The following NEB variants were observed in gnomAD, a reference collection of about 807,000 sequenced individuals.
NEB encodes the protein nemaline myopathy type 2.
A neutral mutation model predicts 952.2 loss-of-function variants in NEB; 512 were observed. That is an observed-to-expected ratio of 0.54 (90% confidence interval 0.50 to 0.58). NEB has a LOEUF of 0.58. NEB is among the 20% of genes least tolerant of loss of function. NEB has a pLI of 0.00. For missense variants in NEB, 8,428 were observed against 9,231.1 expected (o/e 0.91, Z 3.56); for synonymous variants, 2,900 against 3,149.8 (o/e 0.92, Z 2.66).
chr2:151,628,374 C>T (rs2098570206), intron 68 of NEB, among the ~76,000 whole-genome samples: 1 of 152,190 alleles, frequency 6.6e-6, no homozygotes, highest in African/African-American at 2.4e-5. Context: ...ACTACAAGCC[C>T]TGCTCTGTTG....
rs1424400220 is a variant in NEB at position 151,669,075 on chromosome 2, T to C, written c.4563A>G (p.Glu1521=). Residue 1521 remains glutamate, a synonymous_variant, in exon 39 of 182, where the codon GAA becomes GAG. Transcript: ENST00000397345. The part of the protein sequence containing the change: ...KLKHKYTIDP[E]LPQFIQAKVN... Reference sequence around the variant, plus strand: ...CTTTGGCTTGAATAAACTGAGGCAATTCAGGGTCAATAGTATACTTGTGCT... The same window carrying C: ...CTTTGGCTTGAATAAACTGAGGCAACTCAGGGTCAATAGTATACTTGTGCT... The C allele has an allele frequency of 6.3e-7, 1 of 1,596,646 alleles. No homozygotes were observed. Among genetic ancestry groups the C allele is most frequent in the South Asian group, 1.1e-5 (1 of 87,876 alleles).
At chr2:151,724,438 G>T in intron 7 of NEB, 74 bp from the exon 8 acceptor site, 1 of 1,121,798 alleles carries the variant, frequency 8.9e-7, no homozygotes, top group Non-Finnish European at 1.3e-6. Context: ...AACAAAGGGA[G>T]ACTCATGAAG....
At position 151,506,943 on chromosome 2, in the gene NEB, A is replaced by C; in HGVS notation, c.23522T>G (p.Leu7841Arg). ...ATTCTTCTGATTTTCTTTTACACGC[A>C]GTATTTCTGGCGTGTCTTGAACAAC... The part of the protein sequence containing the change: ...ITVVQDTPEI[L>R]RVKENQKNFS... Residue 7841 changes from leucine (L) to arginine (R), a missense_variant, in exon 163 of 182, where the codon CTG becomes CGG. Physicochemically the swap from Leu to Arg is moderately radical, Grantham distance 102. Transcript: ENST00000397345. The C allele has an allele frequency of 6.2e-7, 1 of 1,611,072 alleles. No homozygotes were observed. Among genetic ancestry groups the C allele is most frequent in the Non-Finnish European group, 8.5e-7 (1 of 1,177,980 alleles).
chr2:151,660,070 G>A (rs1156366835), intron 46 of NEB, among the ~76,000 whole-genome samples: 3 of 152,148 alleles, frequency 2.0e-5, no homozygotes, highest in East Asian at 3.9e-4. Flanking sequence ...GTCACCAGCT[G>A]TCTCACTCAA....
chr2:151,695,873 T>C (rs1018056324), intron 17 of NEB, among the ~76,000 whole-genome samples, 191 bp from the exon 18 acceptor site: 4 of 152,178 alleles, frequency 2.6e-5, no homozygotes, highest in South Asian at 4.1e-4. Flanking sequence ...TCTGTCACCA[T>C]GGTAGGACCC....
chr2:151,489,828 T>C lies in NEB; in HGVS notation c.25404+143A>G, dbSNP rs1265647716. ...AGATAATGAAAGTTTTCTGATATCA[T>C]TAATATGAAACATGTAATAAAAGAG... is the stretch of plus-strand genomic sequence containing the variant. On this transcript the variant is annotated intron_variant, in intron 181 of 181. Transcript: ENST00000397345. 5.8e-6 allele frequency: 3 copies of C among 520,748 alleles called. No homozygotes were observed. The African/African-American group carries it at 5.9e-5, about 10-fold the overall frequency. 32.3% of individuals were successfully genotyped at this position (520,748 alleles called of 1,614,324 possible).
intron 13 of NEB, among the ~76,000 whole-genome samples, chr2:151,705,966 A>G (rs1318070836): frequency 6.6e-6 from 1 of 152,222 alleles, no homozygotes; most frequent in Non-Finnish European, 1.5e-5. Context: ...CATATTGATC[A>G]TAGTGTACAC....
At chr2:151,611,997 C>A (rs771230556) in intron 78 of NEB, among the ~76,000 whole-genome samples, 189 bp downstream of exon 78, 2 of 152,140 alleles carry the variant, frequency 1.3e-5, no homozygotes, top group East Asian at 1.9e-4. Flanking sequence ...CACATGCACA[C>A]AGAGAATTAG....
chr2:151,691,803 TACC>T, intron 23 of NEB, 58 bp downstream of exon 23: 2 of 1,184,014 alleles, frequency 1.7e-6, no homozygotes, highest in Non-Finnish European at 2.5e-6. Flanking sequence ...CTGCTAAATT[TACC>T]ACTAGATGTC....
At position 151,531,853 on chromosome 2, in the gene NEB, G is replaced by C. The variant is rs1336341225; in HGVS notation, c.21461C>G (p.Thr7154Ser). The change falls in exon 144 of 182, where the codon ACC (threonine) becomes AGC (serine). Residue 7154 changes from threonine (T) to serine (S), a missense_variant. By Grantham distance (58) the Thr-to-Ser change is moderately conservative (BLOSUM62 1). Coordinates refer to ENST00000397345, the MANE Select transcript of NEB (RefSeq NM_001164508.2). The stretch of plus-strand genomic sequence containing the variant: ...GTGTTCTGGAGTATCCACAATTGAG[G>C]TAAATTTGTCCTTTGATTTTTCATA... Reference protein sequence around the residue: ...KNYEKSKDKFTSIVDTPEHLR... With the variant: ...KNYEKSKDKFSSIVDTPEHLR... 4 of 1,612,302 alleles carry C rather than the reference G, an allele frequency of 2.5e-6. No individual in the cohort carries two copies. The highest frequency in any genetic ancestry group is 3.4e-6 in the Non-Finnish European group (4 of 1,179,112).
At chr2:151,614,065 G>A (rs1287946650) in intron 77 of NEB, among the ~76,000 whole-genome samples, 4 of 152,154 alleles carry the variant, frequency 2.6e-5, no homozygotes, top group African/African-American at 9.7e-5. Context: ...TTAATGAAAA[G>A]CACATTACAG....
chr2:151,500,654 T>TG (rs2063777196), intron 168 of NEB, among the ~76,000 whole-genome samples: 1 of 146,284 alleles, frequency 6.8e-6, no homozygotes, highest in Non-Finnish European at 1.5e-5. Flanking sequence ...TGGAGTACAG[T>TG]GGCACAATCA....
intron 54 of NEB, 37 bp from the exon 55 acceptor site, chr2:151,646,271 T>G (rs1303104082): frequency 1.4e-6 from 2 of 1,422,140 alleles, no homozygotes; most frequent in Admixed American, 3.9e-5. Flanking sequence ...GTGGTGTTGT[T>G]AGATTAGTGA....
Position 151,541,457 on chromosome 2 carries a change from A to G in NEB, c.20672T>C (p.Leu6891Pro), listed in dbSNP as rs2094057101. Reference sequence around the variant, plus strand: ...AACCTCTGAGCTTACCTGACTCTGAAGCTTCTGCCCTCGCTTGGCTCTTAA... The same window carrying G: ...AACCTCTGAGCTTACCTGACTCTGAGGCTTCTGCCCTCGCTTGGCTCTTAA... ...DLLRAKRGQKLQSQYLYVELA... is the reference protein window; with the variant it reads ...DLLRAKRGQKPQSQYLYVELA... Residue 6891 changes from leucine (L) to proline (P), a missense_variant, in exon 136 of 182, where the codon CTT (leucine) becomes CCT (proline). By Grantham distance (98) the Leu-to-Pro change is moderately conservative (BLOSUM62 -3). This residue lies in a region of NEB where 3,374 missense variants were observed against 3,651.5 expected (regional missense o/e 0.92). Transcript: ENST00000397345. 1 of 1,611,864 alleles carries G rather than the reference A, an allele frequency of 6.2e-7. No individual in the cohort carries two copies. Among genetic ancestry groups the G allele is most frequent in the Admixed American group, 1.7e-5 (1 of 59,872 alleles).
Position 151,644,580 on chromosome 2 carries a change from T to A in NEB, c.7537-5A>T, listed in dbSNP as rs1364472047. On this transcript the variant is annotated splice_polypyrimidine_tract_variant and splice_region_variant and intron_variant, in intron 55 of 181. Transcript: ENST00000397345. ...ATAACCCATTCGGTAGAGTTTCTGT[T>A]AAGAAATGAAGATCATTTTGGGAAA... 1.2e-6 allele frequency: 2 copies of A among 1,605,788 alleles called. No individual in the cohort carries two copies. Among genetic ancestry groups the A allele is most frequent in the Admixed American group, 1.7e-5 (1 of 59,984 alleles).
intron 163 of NEB, 188 bp from the exon 164 acceptor site, chr2:151,506,446 G>A: frequency 1.8e-6 from 1 of 541,448 alleles, no homozygotes; most frequent in Non-Finnish European, 3.3e-6. Flanking sequence ...ATACAACATG[G>A]ATCTTTCCAG....
chr2:151,618,233 G>C, intron 74 of NEB, 42 bp downstream of exon 74: 1 of 1,536,292 alleles, frequency 6.5e-7, no homozygotes, highest in Non-Finnish European at 9.0e-7. Context: ...AAATTGTTCT[G>C]TGGTAACTTT....
chr2:151,513,799 CAGAT>C (rs1406236894), intron 159 of NEB, 106 bp from the exon 160 acceptor site: 1 of 781,508 alleles, frequency 1.3e-6, no homozygotes, highest in Non-Finnish European at 2.1e-6. Context: ...CCAGTTGTCA[CAGAT>C]AGTGTCGCTT....
chr2:151,545,847 G>T, intron 135 of NEB, 41 bp downstream of exon 135: 1 of 1,260,424 alleles, frequency 7.9e-7, no homozygotes, highest in Non-Finnish European at 1.1e-6. Flanking sequence ...GTTTGTACTG[G>T]TCAATTTGAT....
Sources: allele counts gnomAD v4.1 joint callset (sites outside exome capture counted in the v4.1 genomes callset), GRCh38; gene constraint gnomAD v4.1.1; regional missense constraint gnomAD v4.1.1; transcripts MANE v1.5; gene names NCBI Gene and HGNC (gene_info 2026-07-23, HGNC 2026-07-21).